RYR3: variants seen among roughly 807,000 people sequenced by gnomAD.
The protein encoded by RYR3 is ryanodine receptor 3.
Under a neutral mutation model 584.3 loss-of-function variants are expected in RYR3, and 207 were observed. That is an observed-to-expected ratio of 0.35 (90% CI 0.32 to 0.40). The LOEUF (loss-of-function observed/expected upper bound fraction) is 0.40. Among genes scored for constraint, RYR3 ranks in the 10% least tolerant of loss-of-function variants. The probability of loss-of-function intolerance (pLI) is 1.00; values close to 1 mark genes in which losing one functional copy is unlikely to be tolerated. For synonymous variants in RYR3, 2,416 were observed against 2,248.5 expected, an observed-to-expected ratio of 1.07 and a Z score of -2.11; for missense variants, 5,616 against 6,089.2, an observed-to-expected ratio of 0.92 and a Z score of 2.59.
At chr15:33,505,687 T>C (rs1200107609) in intron 3 of RYR3, among the ~76,000 whole-genome samples, 1 of 151,784 alleles carries the variant, frequency 6.6e-6, no homozygotes, top group Non-Finnish European at 1.5e-5. Context: ...AGAGATGGGG[T>C]TTCACCGTGT....
At chr15:33,628,708 C>A in intron 21 of RYR3, 133 bp downstream of exon 21, 1 of 610,590 alleles carries the variant, frequency 1.6e-6, no homozygotes, top group Non-Finnish European at 2.9e-6. Context: ...TCTTCACAGA[C>A]AGAACCAGAA....
chr15:33,830,307 A>G (rs1176358714), intron 85 of RYR3, among the ~76,000 whole-genome samples: 5 of 152,246 alleles, frequency 3.3e-5, no homozygotes, highest in Admixed American at 3.3e-4. Context: ...CATCAAGGCA[A>G]GACCTTTCAC....
At chr15:33,648,065 T>G (rs1454696587) in intron 30 of RYR3, among the ~76,000 whole-genome samples, 2 of 151,088 alleles carry the variant, frequency 1.3e-5, no homozygotes, top group East Asian at 3.9e-4. Flanking sequence ...CAATCCTGAA[T>G]TTGTAGGTTA....
At chr15:33,702,477 T>C (rs1460268631) in intron 42 of RYR3, among the ~76,000 whole-genome samples, 2 of 152,168 alleles carry the variant, frequency 1.3e-5, no homozygotes, top group Non-Finnish European at 2.9e-5. Context: ...GTTGCAGCCA[T>C]TAATTAGATA....
At chr15:33,784,052 T>G (rs1455435348) in intron 65 of RYR3, among the ~76,000 whole-genome samples, 6 of 152,216 alleles carry the variant, frequency 3.9e-5, no homozygotes, top group Admixed American at 3.9e-4. Context: ...GCAACAAAAG[T>G]CATCACTACG....
chr15:33,804,565 G>GGA (rs2152934876), intron 69 of RYR3, among the ~76,000 whole-genome samples: 1 of 152,318 alleles, frequency 6.6e-6, no homozygotes, highest in South Asian at 2.1e-4. Flanking sequence ...AGTTTCAACA[G>GGA]TATCTCTAGG....
chr15:33,633,131 T>C (rs2061346171), intron 24 of RYR3, 23 bp downstream of exon 24: 3 of 1,609,082 alleles, frequency 1.9e-6, no homozygotes, highest in Non-Finnish European at 1.7e-6. Context: ...GGGTCAGGCA[T>C]GCTGGAAAAC....
chr15:33,672,446 C>T (rs1384527632), intron 38 of RYR3, among the ~76,000 whole-genome samples: 4 of 152,136 alleles, frequency 2.6e-5, no homozygotes, highest in Admixed American at 6.5e-5. Flanking sequence ...GTTCACGTTT[C>T]GTGTCATAAG....
chr15:33,602,855 C>T (rs2059738120), intron 17 of RYR3, among the ~76,000 whole-genome samples: 1 of 149,012 alleles, frequency 6.7e-6, no homozygotes, highest in Non-Finnish European at 1.5e-5. Context: ...AAGCAGTTCT[C>T]CAACCTCACC....
intron 60 of RYR3, among the ~76,000 whole-genome samples, chr15:33,764,577 TAA>T (rs57528153): frequency 4.4e-4 from 61 of 139,626 alleles, no homozygotes; most frequent in Admixed American, 6.5e-4. Context: ...AAACCATAAT[TAA>T]AAAAAAAAAA....
chr15:33,433,982 G>A (rs954573883), intron 1 of RYR3, among the ~76,000 whole-genome samples: 3 of 152,080 alleles, frequency 2.0e-5, no homozygotes, highest in African/African-American at 7.2e-5. Flanking sequence ...TTTTCTTCAA[G>A]TGCAACAATT....
intron 1 of RYR3, among the ~76,000 whole-genome samples, chr15:33,367,133 A>G (rs1975617014): frequency 6.6e-6 from 1 of 152,236 alleles, no homozygotes; most frequent in Non-Finnish European, 1.5e-5. Context: ...TATTTTCAGT[A>G]GCCAGAGGCT....
chr15:33,755,727 C>G lies in RYR3; in HGVS notation c.8515+547C>G, dbSNP rs564373256. Among the ~76,000 whole-genome samples, 5 of 152,322 alleles carry G rather than the reference C, an allele frequency of 3.3e-5. No homozygotes were observed. The East Asian group carries it at 9.6e-4, about 29-fold the overall frequency. Reference sequence around the variant, plus strand: ...CTATTTTAACTTTCCTGTTGTCTTGCTTTATGACTGTGGACATATGACTCA... The same window carrying G: ...CTATTTTAACTTTCCTGTTGTCTTGGTTTATGACTGTGGACATATGACTCA... On this transcript the variant is annotated intron_variant, in intron 58 of 103. Coordinates refer to ENST00000634891, the MANE Select transcript of RYR3 (RefSeq NM_001036.6).
intron 15 of RYR3, among the ~76,000 whole-genome samples, chr15:33,585,371 T>TA (rs2058796265): frequency 6.6e-6 from 1 of 152,192 alleles, no homozygotes; most frequent in African/African-American, 2.4e-5. Context: ...TGAATTTCAA[T>TA]CATGATATTA....
At chr15:33,668,556 C>A (rs1274708264) in intron 36 of RYR3, among the ~76,000 whole-genome samples, 1 of 152,096 alleles carries the variant, frequency 6.6e-6, no homozygotes, top group Non-Finnish European at 1.5e-5. Context: ...AAACAAATTT[C>A]AACCTCACCA....
intron 66 of RYR3, among the ~76,000 whole-genome samples, chr15:33,786,431 GCTTT>G (rs959815314): frequency 4.0e-5 from 6 of 151,252 alleles, no homozygotes; most frequent in South Asian, 2.1e-4. Context: ...TTCACTCTGT[GCTTT>G]CTAAGACACT....
At chr15:33,781,861 G>GT (rs1162452355) in intron 65 of RYR3, among the ~76,000 whole-genome samples, 1 of 146,856 alleles carries the variant, frequency 6.8e-6, no homozygotes, top group South Asian at 2.1e-4. Context: ...AAAAAAAAAG[G>GT]GGGGGGGGAT....
chr15:33,722,639 C>T (rs2068027519), intron 43 of RYR3, 76 bp from the exon 44 acceptor site: 16 of 1,401,968 alleles, frequency 1.1e-5, no homozygotes, highest in Middle Eastern at 1.9e-4. Flanking sequence ...ATACTGTTCT[C>T]CCAGCCTCAT....
At chr15:33,669,307 G>A (rs1384923951) in intron 36 of RYR3, 47 bp from the exon 37 acceptor site, 1 of 1,493,980 alleles carries the variant, frequency 6.7e-7, no homozygotes, top group Non-Finnish European at 9.3e-7. Context: ...GAGTTCCCTT[G>A]GCCAACATTG....
Sources: gnomAD v4.1 joint callset for allele counts (sites outside exome capture counted in the v4.1 genomes callset) on GRCh38, gnomAD v4.1.1 for gene constraint, MANE v1.5 for transcripts, NCBI Gene and HGNC (gene_info 2026-07-23, HGNC 2026-07-21) for gene names.